Variants in RNF115 observed in about 807,000 individuals in gnomAD.
RNF115 encodes E3 ubiquitin-protein ligase RNF115.
RNF115 carries 31 observed loss-of-function variants against 39.2 expected under a neutral mutation model. The observed-to-expected ratio is 0.79, with a 90% CI of 0.59 to 1.07. The LOEUF is 1.07. Among genes scored for constraint, RNF115 ranks in the 50% least tolerant of loss-of-function variants. The probability of loss-of-function intolerance (pLI) is 0.00; values close to 1 mark genes in which losing one functional copy is unlikely to be tolerated. For missense variants in RNF115, 384 were observed against 381.7 expected (o/e 1.01, Z -0.05); for synonymous variants, 124 against 131.0 (o/e 0.95, Z 0.37).
rs1042331861 is a variant in RNF115 at position 145,824,081 on chromosome 1, G to T, written c.-208C>A. On this transcript the variant is annotated 5_prime_UTR_variant, in exon 1 of 9. Transcript: ENST00000582693. Reference sequence around the variant, plus strand: ...GCCCGCCTCCCAGCACCAAAGAGGCGCAGGAAGGAGAGACAAACGGCCCGC... The same window carrying T: ...GCCCGCCTCCCAGCACCAAAGAGGCTCAGGAAGGAGAGACAAACGGCCCGC... The T allele has an allele frequency of 4.7e-5, 22 of 471,500 alleles. No individual in the cohort carries two copies. The highest frequency in any genetic ancestry group is 4.1e-5 in the Non-Finnish European group (11 of 269,658). The allele number at this position is 471,500 out of a possible 1,614,324, so 29.2% of individuals were successfully genotyped here. A position where few individuals can be genotyped will look rare whatever the true frequency, so the allele number is the denominator to read the frequency against.
chr1:145,802,782 G>C (rs1177398238), intron 1 of RNF115, among the ~76,000 whole-genome samples: 1 of 152,102 alleles, frequency 6.6e-6, no homozygotes, highest in Non-Finnish European at 1.5e-5. Flanking sequence ...AAGACAGTCA[G>C]AAATTTCTAA....
chr1:145,763,018 G>C (rs1286681720), intron 4 of RNF115, among the ~76,000 whole-genome samples: 2 of 152,102 alleles, frequency 1.3e-5, no homozygotes, highest in African/African-American at 2.4e-5. Context: ...GAGAGGGAGG[G>C]AGAAGGGCAA....
In RNF115 at chr1:145,767,522, C is replaced by T. The variant is rs1414769724; in HGVS notation, c.428+4189G>A. On this transcript the variant is annotated intron_variant, in intron 4 of 8. Transcript: ENST00000582693. The stretch of plus-strand genomic sequence containing the variant: ...CCAGGCAGAGAGGCTCCTCACATCC[C>T]AGACGATGGGCGGCCAGGCAGAGAC... Among the ~76,000 whole-genome samples, 9 of 151,928 alleles carry T rather than the reference C, an allele frequency of 5.9e-5. No homozygotes were observed. In the South Asian group the frequency reaches 1.7e-3, roughly 28 times the overall value.
chr1:145,784,974 A>T (rs1033017932), intron 2 of RNF115, among the ~76,000 whole-genome samples: 3 of 152,210 alleles, frequency 2.0e-5, no homozygotes, highest in Non-Finnish European at 2.9e-5. Flanking sequence ...GATGAACACA[A>T]CATTTGAGGC....
chr1:145,790,881 C>T (rs1648634565), intron 1 of RNF115, among the ~76,000 whole-genome samples: 1 of 151,948 alleles, frequency 6.6e-6, no homozygotes, highest in Non-Finnish European at 1.5e-5. Flanking sequence ...GTGGCTCACG[C>T]CTGCAATCCT....
chr1:145,745,944 AG>A lies in RNF115; in HGVS notation c.*921del, dbSNP rs1188992355. 6.6e-6 allele frequency: 1 copy of A among 151,184 alleles called. No homozygotes were observed. The highest frequency in any genetic ancestry group is 1.5e-5 in the Non-Finnish European group (1 of 67,852). The allele number at this position is 151,184 out of a possible 1,614,324, so 9.4% of individuals were successfully genotyped here. A position where few individuals can be genotyped will look rare whatever the true frequency, so the allele number is the denominator to read the frequency against. ...AGTAGTCTTTAAAAATTAAAATAAGAGGCCAGGCGCAGTGGCTCACGCCTGT... is the reference window on the plus strand; with the variant it reads ...AGTAGTCTTTAAAAATTAAAATAAGAGCCAGGCGCAGTGGCTCACGCCTGT... On this transcript the variant is annotated 3_prime_UTR_variant, in exon 9 of 9. Transcript: ENST00000582693.
chr1:145,748,238 C>G, intron 7 of RNF115, 128 bp from the exon 8 acceptor site: 1 of 644,866 alleles, frequency 1.6e-6, no homozygotes, highest in East Asian at 2.7e-5. Flanking sequence ...AAATGTACAC[C>G]CAAGTAGCAG....
At chr1:145,781,829 C>CTTAA (rs1205959946) in intron 3 of RNF115, among the ~76,000 whole-genome samples, 1 of 151,808 alleles carries the variant, frequency 6.6e-6, no homozygotes, top group Non-Finnish European at 1.5e-5. Flanking sequence ...CCTGGCCCAC[C>CTTAA]TTAACTCTTC....
rs1236216618 is a variant in RNF115 at position 145,744,856 on chromosome 1, T to G, written c.*2010A>C. ...AGTTTCAACAACATTCTTGACCTTC[T>G]TAATTTATCCAATGTTAAACACTTG... On this transcript the variant is annotated 3_prime_UTR_variant, in exon 9 of 9. Transcript: ENST00000582693. The G allele has an allele frequency of 6.6e-6, 1 of 152,178 alleles. No homozygotes were observed. Among genetic ancestry groups the G allele is most frequent in the Non-Finnish European group, 1.5e-5 (1 of 68,038 alleles). The allele number at this position is 152,178 out of a possible 1,614,324, so 9.4% of individuals were successfully genotyped here.
At chr1:145,776,325 C>T (rs587766045) in intron 3 of RNF115, among the ~76,000 whole-genome samples, 7 of 151,672 alleles carry the variant, frequency 4.6e-5, no homozygotes, top group South Asian at 2.1e-4. Context: ...CCACCATGCC[C>T]GACTAATTTT....
intron 1 of RNF115, among the ~76,000 whole-genome samples, chr1:145,799,729 A>G (rs906903254): frequency 4.1e-4 from 62 of 152,262 alleles, no homozygotes; most frequent in African/African-American, 1.5e-3. Context: ...AGTAGCTAGG[A>G]CTATAGGCGT....
intron 4 of RNF115, among the ~76,000 whole-genome samples, chr1:145,769,673 C>T (rs1296049227): frequency 2.6e-5 from 4 of 151,370 alleles, no homozygotes; most frequent in African/African-American, 9.7e-5. Context: ...AGCAAGTTTT[C>T]CCAGTTCCTT....
At chr1:145,814,608 C>T (rs1649897551) in intron 1 of RNF115, among the ~76,000 whole-genome samples, 1 of 150,908 alleles carries the variant, frequency 6.6e-6, no homozygotes, top group African/African-American at 2.4e-5. Flanking sequence ...GGCAACTAAA[C>T]ATAAAGAAAT....
intron 1 of RNF115, among the ~76,000 whole-genome samples, chr1:145,812,668 A>C (rs1649786930): frequency 6.7e-6 from 1 of 149,634 alleles, no homozygotes; most frequent in Non-Finnish European, 1.5e-5. Context: ...TCTCAAAAAA[A>C]AACCAAAAAA....
At chr1:145,778,762 T>A (rs1553716904) in intron 3 of RNF115, among the ~76,000 whole-genome samples, 1 of 152,226 alleles carries the variant, frequency 6.6e-6, no homozygotes, top group African/African-American at 2.4e-5. Flanking sequence ...TCATATTGTA[T>A]GTACTTTTCA....
intron 1 of RNF115, among the ~76,000 whole-genome samples, chr1:145,820,404 A>G (rs1254358405): frequency 3.3e-5 from 5 of 151,666 alleles, no homozygotes; most frequent in Non-Finnish European, 5.9e-5. Context: ...ATTCAAGAAC[A>G]GCCTGGGCAA....
chr1:145,791,350 TA>T (rs144482903), intron 1 of RNF115, among the ~76,000 whole-genome samples: 43 of 139,688 alleles, frequency 3.1e-4, no homozygotes, highest in Non-Finnish European at 2.9e-4. Context: ...CATCTCTACT[TA>T]AAAAAAAAAA....
At chr1:145,788,716 A>AT in intron 2 of RNF115, 192 bp downstream of exon 2, 3 of 686,614 alleles carry the variant, frequency 4.4e-6, no homozygotes, top group South Asian at 1.5e-5. Context: ...AAATTTTCCC[A>AT]TTTTTCTTTC....
At chr1:145,761,529 G>A (rs923737284) in intron 4 of RNF115, among the ~76,000 whole-genome samples, 2 of 152,246 alleles carry the variant, frequency 1.3e-5, no homozygotes, top group South Asian at 2.1e-4. Context: ...CCTTGGCAGC[G>A]TCCATGTGGT....
Sources: allele counts gnomAD v4.1 joint callset (sites outside exome capture counted in the v4.1 genomes callset), GRCh38; gene constraint gnomAD v4.1.1; transcripts MANE v1.5; gene names NCBI Gene and HGNC (gene_info 2026-07-23, HGNC 2026-07-21).